ADGRF4: variants seen among roughly 807,000 people sequenced by gnomAD.
ADGRF4 encodes adhesion G protein-coupled receptor F4, also known as G-protein coupled receptor PGR18.
In ADGRF4, 63 loss-of-function variants were observed where a neutral mutation model predicts 58.5. That is an observed-to-expected ratio of 1.08 (90% CI 0.88 to 1.33). The LOEUF is 1.33. Among genes scored for constraint, ADGRF4 ranks in the 40% most tolerant of loss-of-function variants. The probability of loss-of-function intolerance (pLI) is 0.00; values close to 1 mark genes in which losing one functional copy is unlikely to be tolerated. For synonymous variants in ADGRF4, 313 were observed against 295.4 expected (o/e 1.06, Z -0.61); for missense variants, 931 against 843.9 (o/e 1.10, Z -1.28).
At chr6:47,709,477 G>A (rs1012957324) in intron 3 of ADGRF4, among the ~76,000 whole-genome samples, 2 of 152,158 alleles carry the variant, frequency 1.3e-5, no homozygotes, top group African/African-American at 4.8e-5. Flanking sequence ...TCTCTGGCTA[G>A]AATTACCATA....
At chr6:47,704,709 G>T (rs1447184897) in intron 1 of ADGRF4, among the ~76,000 whole-genome samples, 9 of 152,126 alleles carry the variant, frequency 5.9e-5, no homozygotes, top group Non-Finnish European at 1.0e-4. Context: ...ATGTCAAATA[G>T]AATAGAGAAG....
At chr6:47,712,699 T>A in intron 5 of ADGRF4, 91 bp downstream of exon 5, 1 of 900,554 alleles carries the variant, frequency 1.1e-6, no homozygotes, top group Non-Finnish European at 1.7e-6. Flanking sequence ...AAAACTACAG[T>A]GACAGCAACC....
intron 9 of ADGRF4, among the ~76,000 whole-genome samples, chr6:47,719,440 C>A (rs558348574): frequency 6.6e-6 from 1 of 152,276 alleles, no homozygotes; most frequent in South Asian, 2.1e-4. Context: ...TATAGGAGAC[C>A]TTTACAAAAG....
chr6:47,718,622 A>G (rs1772088413), intron 9 of ADGRF4, among the ~76,000 whole-genome samples, 177 bp downstream of exon 9: 1 of 150,394 alleles, frequency 6.6e-6, no homozygotes, highest in African/African-American at 2.4e-5. Flanking sequence ...AAATGAAAAT[A>G]TGTACATTTT....
At position 47,714,491 on chromosome 6, in the gene ADGRF4, T is replaced by C. The variant is rs2113905244; in HGVS notation, c.1246T>C (p.Leu416=). Reference sequence around the variant, plus strand: ...TGGGCTCAGCGTCTCAATCCTAAGCTTGGTTCTTTGCCTGATCATTGAAGC... The same window carrying C: ...TGGGCTCAGCGTCTCAATCCTAAGCCTGGTTCTTTGCCTGATCATTGAAGC... ...CIGLSVSILS[L]VLCLIIEATV... The change falls in exon 6 of 10, where the codon TTG becomes CTG. Residue 416 remains leucine, a synonymous_variant. Coordinates refer to ENST00000283303, the MANE Select transcript of ADGRF4 (RefSeq NM_153838.5). The C allele has an allele frequency of 1.2e-6, 2 of 1,614,124 alleles. No homozygotes were observed. Among genetic ancestry groups the C allele is most frequent in the Non-Finnish European group, 1.7e-6 (2 of 1,180,008 alleles).
intron 4 of ADGRF4, among the ~76,000 whole-genome samples, chr6:47,711,112 CAAAAAA>C: frequency 6.8e-6 from 1 of 146,028 alleles, no homozygotes; most frequent in South Asian, 2.1e-4. Flanking sequence ...AAACTTTTCT[CAAAAAA>C]AAAAAAAAAA....
Position 47,716,825 on chromosome 6 carries a change from T to A in ADGRF4, c.1952T>A (p.Phe651Tyr), listed in dbSNP as rs753100255. 2.5e-6 allele frequency: 4 copies of A among 1,602,472 alleles called. No homozygotes were observed. In the Admixed American group the frequency reaches 5.2e-5, roughly 21 times the overall value. ...NAFQGFFILL[F>Y]GTIMDHKIRD... Reference sequence around the variant, plus strand: ...CCACAGGGTTTTTTCATCCTGCTGTTTGGAACCATTATGGATCACAAGGTA... The same window carrying A: ...CCACAGGGTTTTTTCATCCTGCTGTATGGAACCATTATGGATCACAAGGTA... Residue 651 changes from phenylalanine (F) to tyrosine (Y), a missense_variant, in exon 7 of 10, where the codon TTT becomes TAT. By Grantham distance (22) the Phe-to-Tyr change is conservative. Coordinates refer to ENST00000283303, the MANE Select transcript of ADGRF4 (RefSeq NM_153838.5).
At chr6:47,715,305 T>C in intron 6 of ADGRF4, 128 bp downstream of exon 6, 1 of 731,008 alleles carries the variant, frequency 1.4e-6, no homozygotes, top group Non-Finnish European at 2.2e-6. Context: ...TATTTGGCTA[T>C]GGCATCTGTG....
At chr6:47,712,178 C>T (rs542534528) in intron 4 of ADGRF4, among the ~76,000 whole-genome samples, 179 bp from the exon 5 acceptor site, 56 of 152,156 alleles carry the variant, frequency 3.7e-4, no homozygotes, top group African/African-American at 1.3e-3. Flanking sequence ...TGGGTGAAAT[C>T]CTCTGCCTCT....
rs908543285 is a variant in ADGRF4, at chr6:47,718,277, T to C, written c.2035-112T>C. ...ATTTACTTCTGTGTAGCTATATCAGTGTGGGTACTCCTTTTCATGTATTCA... is the reference window on the plus strand; with the variant it reads ...ATTTACTTCTGTGTAGCTATATCAGCGTGGGTACTCCTTTTCATGTATTCA... On this transcript the variant is annotated intron_variant, in intron 8 of 9. Transcript: ENST00000283303. 8.1e-6 allele frequency: 6 copies of C among 736,970 alleles called. No individual in the cohort carries two copies. In the African/African-American group the frequency reaches 8.6e-5, roughly 11 times the overall value. The allele number at this position is 736,970 out of a possible 1,614,324, so 45.7% of individuals were successfully genotyped here.
chr6:47,703,656 T>C (rs997169383), intron 1 of ADGRF4, among the ~76,000 whole-genome samples: 14 of 152,236 alleles, frequency 9.2e-5, no homozygotes, highest in Admixed American at 3.3e-4. Context: ...GCAAATTAAT[T>C]AATCAAAACC....
chr6:47,708,446 A>G (rs1561866001), intron 3 of ADGRF4, among the ~76,000 whole-genome samples, 168 bp downstream of exon 3: 1 of 152,214 alleles, frequency 6.6e-6, no homozygotes, highest in Non-Finnish European at 1.5e-5. Flanking sequence ...CATTTATACC[A>G]TTACCAGTGG....
At chr6:47,703,092 TA>T (rs1387468675) in intron 1 of ADGRF4, among the ~76,000 whole-genome samples, 7 of 152,228 alleles carry the variant, frequency 4.6e-5, no homozygotes, top group African/African-American at 1.7e-4. Flanking sequence ...GACCACTCAC[TA>T]CATATAGACA....
intron 9 of ADGRF4, among the ~76,000 whole-genome samples, chr6:47,718,723 T>C (rs1369339804): frequency 2.0e-5 from 3 of 152,174 alleles, no homozygotes; most frequent in African/African-American, 7.2e-5. Context: ...ATCTTGTCAG[T>C]GAGTAATAAC....
intron 2 of ADGRF4, among the ~76,000 whole-genome samples, 188 bp from the exon 3 acceptor site, chr6:47,708,036 G>A (rs1204284165): frequency 6.6e-6 from 1 of 152,150 alleles, no homozygotes; most frequent in Non-Finnish European, 1.5e-5. Flanking sequence ...CAGAGGGCGT[G>A]CATTCTCCCT....
chr6:47,699,160 G>C (rs544158614), intron 1 of ADGRF4, among the ~76,000 whole-genome samples: 32 of 152,136 alleles, frequency 2.1e-4, no homozygotes, highest in Non-Finnish European at 3.5e-4. Flanking sequence ...TTTTAAAAGT[G>C]TTCTTGATTA....
chr6:47,714,677 T>C lies in ADGRF4; in HGVS notation c.1432T>C (p.Phe478Leu). 1 of 1,614,096 alleles carries C rather than the reference T, an allele frequency of 6.2e-7. No individual in the cohort carries two copies. Among genetic ancestry groups the C allele is most frequent in the Non-Finnish European group, 8.5e-7 (1 of 1,179,966 alleles). ...QDYNMCVAVT[F>L]FSHFFYLSLF... ...CTACAACATGTGTGTTGCAGTGACATTTTTCAGCCACTTTTTCTACCTCTC... is the reference window on the plus strand; with the variant it reads ...CTACAACATGTGTGTTGCAGTGACACTTTTCAGCCACTTTTTCTACCTCTC... The change falls in exon 6 of 10, where the codon TTT becomes CTT. Residue 478 changes from phenylalanine (F) to leucine (L), a missense_variant. Physicochemically the swap from Phe to Leu is conservative, Grantham distance 22. Coordinates refer to ENST00000283303, the MANE Select transcript of ADGRF4 (RefSeq NM_153838.5).
At chr6:47,708,075 G>A (rs916926730) in intron 2 of ADGRF4, 149 bp from the exon 3 acceptor site, 1 of 611,360 alleles carries the variant, frequency 1.6e-6, no homozygotes, top group Admixed American at 2.8e-5. Context: ...CCTTCAGCAA[G>A]TTACCGCAAT....
At chr6:47,713,446 T>C (rs1347778453) in intron 5 of ADGRF4, among the ~76,000 whole-genome samples, 3 of 152,150 alleles carry the variant, frequency 2.0e-5, no homozygotes, top group Admixed American at 6.5e-5. Flanking sequence ...GGACAGGGTG[T>C]GCAGTCTTTC....
Sources: gnomAD v4.1 joint callset for allele counts (sites outside exome capture counted in the v4.1 genomes callset) on GRCh38, gnomAD v4.1.1 for gene constraint, MANE v1.5 for transcripts, NCBI Gene and HGNC (gene_info 2026-07-23, HGNC 2026-07-21) for gene names.